DOT1L: variants seen among roughly 807,000 people sequenced by gnomAD.
The protein encoded by DOT1L is histone-lysine N-methyltransferase, H3 lysine-79 specific.
Under a neutral mutation model 153.3 loss-of-function variants are expected in DOT1L, and 33 were observed. The observed-to-expected ratio is 0.22, with a 90% confidence interval of 0.16 to 0.29. The LOEUF (loss-of-function observed/expected upper bound fraction) is 0.29. Ranked by LOEUF, DOT1L falls within the 10% of genes least tolerant of loss-of-function variation. The pLI, the probability that DOT1L is intolerant of heterozygous loss-of-function variation, is 1.00. For missense variants in DOT1L, 1,847 were observed against 2,119.9 expected, an observed-to-expected ratio of 0.87 and a Z score of 2.53; for synonymous variants, 1,135 against 965.1, an observed-to-expected ratio of 1.18 and a Z score of -3.26.
Position 2,222,026 on chromosome 19 carries a change from C to T in DOT1L, c.2857C>T (p.Pro953Ser). The change falls in exon 24 of 28, where the codon CCG (proline) becomes TCG (serine). Residue 953 changes from proline to serine, a missense_variant. By Grantham distance (74) the Pro-to-Ser change is moderately conservative. This residue lies in a region of DOT1L where 934 missense variants were observed against 825.3 expected (regional missense o/e 1.13). Coordinates refer to ENST00000398665, the MANE Select transcript of DOT1L (RefSeq NM_032482.3). The surrounding 1 kb of genome is among the most constrained non-coding windows in gnomAD (Gnocchi z 6.5). ...CATCAGCGGGGCCTTGGCGGGCAGC[C>T]CGGCCTCTCTCACACCTGGAGCCGA... Reference protein sequence around the residue: ...VAISGALAGSPASLTPGAEPA... With the variant: ...VAISGALAGSSASLTPGAEPA... 3 of 1,612,376 alleles carry T rather than the reference C, an allele frequency of 1.9e-6. No homozygotes were observed. Among genetic ancestry groups the T allele is most frequent in the Non-Finnish European group, 2.5e-6 (3 of 1,179,664 alleles).
Position 2,189,258 on chromosome 19 carries a change from T to C in DOT1L, c.201-474T>C, listed in dbSNP as rs180768247. ...TCCTTTCTGCAGTGCTCACTCCTCC[T>C]GCACCTGCCCGGGCAGAGGCCTGGT... On this transcript the variant is annotated intron_variant, in intron 3 of 27. Transcript: ENST00000398665. 4.7e-3 allele frequency among the ~76,000 whole-genome samples: 712 copies of C among 152,294 alleles called. 3 individuals carry two copies. The highest frequency in any genetic ancestry group is 7.9e-3 in the Non-Finnish European group (538 of 67,992).
At chr19:2,209,613 G>T (rs2023636093) in intron 12 of DOT1L, among the ~76,000 whole-genome samples, 1 of 152,252 alleles carries the variant, frequency 6.6e-6, no homozygotes, top group African/African-American at 2.4e-5. Flanking sequence ...GGAAAGCCTG[G>T]CTTGGGGAGC....
chr19:2,195,563 A>C (rs892831904), intron 7 of DOT1L, among the ~76,000 whole-genome samples: 1 of 152,040 alleles, frequency 6.6e-6, no homozygotes, highest in Admixed American at 6.6e-5. Context: ...GATGCTTCCT[A>C]TTCTAGACCT....
chr19:2,212,024 C>T (rs537382032), intron 16 of DOT1L, 182 bp downstream of exon 16: 22 of 584,058 alleles, frequency 3.8e-5, no homozygotes, highest in African/African-American at 3.2e-4. Context: ...CTGAGAGACC[C>T]GGAAAACAGC....
intron 25 of DOT1L, among the ~76,000 whole-genome samples, 170 bp downstream of exon 25, chr19:2,223,656 C>G (rs1181658621): frequency 2.0e-5 from 3 of 152,110 alleles, no homozygotes; most frequent in African/African-American, 7.2e-5. Context: ...AGGTCCTGGG[C>G]CCCGTTCCGG....
rs76876845 is a variant in DOT1L, at chr19:2,184,769, G to A, written c.126-1086G>A. On this transcript the variant is annotated intron_variant, in intron 2 of 27. Transcript: ENST00000398665. ...CCCACACGGGGCTGCTCAGATCTCCGTCCTTGTTCCTTCGGTGAATTGCAG... is the reference window on the plus strand; with the variant it reads ...CCCACACGGGGCTGCTCAGATCTCCATCCTTGTTCCTTCGGTGAATTGCAG... Among the ~76,000 whole-genome samples the A allele has an allele frequency of 3.5e-3, 538 of 152,318 alleles. 1 individual carries two copies. Among genetic ancestry groups the A allele is most frequent in the African/African-American group, 0.012 (518 of 41,562 alleles).
intron 27 of DOT1L, chr19:2,228,908 A>G: frequency 1.4e-5 from 14 of 985,376 alleles, no homozygotes; most frequent in Non-Finnish European, 1.7e-5. Context: ...ATGCCCTCAT[A>G]GGGAGCCAGT....
intron 1 of DOT1L, among the ~76,000 whole-genome samples, chr19:2,166,245 C>T (rs1326701150): frequency 6.9e-6 from 1 of 145,260 alleles, no homozygotes; most frequent in East Asian, 2.1e-4. Context: ...TACAGGCATG[C>T]GCCACCACAC....
At chr19:2,211,898 G>T in intron 16 of DOT1L, 56 bp downstream of exon 16, 1 of 1,488,710 alleles carries the variant, frequency 6.7e-7, no homozygotes, top group South Asian at 1.2e-5. Context: ...GTTCGTTCCT[G>T]TTCCTGGGCA....
intron 7 of DOT1L, among the ~76,000 whole-genome samples, chr19:2,196,547 G>A (rs1009323020): frequency 6.6e-6 from 1 of 152,120 alleles, no homozygotes; most frequent in African/African-American, 2.4e-5. Context: ...TGGTCAGGCG[G>A]GTCTCAAATT....
chr19:2,180,664 C>T (rs374870345), intron 1 of DOT1L, 49 bp from the exon 2 acceptor site: 16 of 1,609,634 alleles, frequency 9.9e-6, no homozygotes, highest in South Asian at 8.8e-5. Flanking sequence ...GCGATGGGCT[C>T]ACGGGGTGGA....
chr19:2,194,686 T>C, intron 7 of DOT1L, 109 bp downstream of exon 7: 1 of 1,195,146 alleles, frequency 8.4e-7, no homozygotes, highest in South Asian at 1.3e-5. Flanking sequence ...TGTTGGCACA[T>C]GGTGTGCCCC....
At position 2,191,292 on chromosome 19, in the gene DOT1L, CTG is replaced by C; in HGVS notation, c.493+55_493+56del. ...CCTGTGCACTTCCAGGCCACACGCTCTGTGCCTGCCCCATGCCTGCTTGGAGA... is the reference window on the plus strand; with the variant it reads ...CCTGTGCACTTCCAGGCCACACGCTCTGCCTGCCCCATGCCTGCTTGGAGA... On this transcript the variant is annotated intron_variant, in intron 5 of 27. Transcript: ENST00000398665. This position sits in a 1 kb window ranked among gnomAD's most constrained non-coding sequence, Gnocchi z 6.8. The C allele has an allele frequency of 6.4e-7, 1 of 1,552,632 alleles. No individual in the cohort carries two copies. Among genetic ancestry groups the C allele is most frequent in the Non-Finnish European group, 8.9e-7 (1 of 1,126,598 alleles).
intron 22 of DOT1L, among the ~76,000 whole-genome samples, chr19:2,219,265 C>T (rs867345640): frequency 1.3e-5 from 2 of 152,244 alleles, no homozygotes; most frequent in Non-Finnish European, 1.5e-5. Context: ...GCCTCGGCCT[C>T]CCACAGTGCT....
intron 5 of DOT1L, among the ~76,000 whole-genome samples, chr19:2,192,734 C>T (rs1355370002): frequency 6.6e-6 from 1 of 151,644 alleles, no homozygotes; most frequent in Non-Finnish European, 1.5e-5. Context: ...TGCCTGTAAT[C>T]CCAATGCTTT....
chr19:2,182,072 C>G (rs974486511), intron 2 of DOT1L, among the ~76,000 whole-genome samples: 9 of 152,014 alleles, frequency 5.9e-5, no homozygotes, highest in South Asian at 2.1e-4. Flanking sequence ...AAAAAAAACA[C>G]AAAAATTAGC....
Position 2,222,016 on chromosome 19 carries a change from G to A in DOT1L, c.2847G>A (p.Leu949=). The A allele has an allele frequency of 6.2e-7, 1 of 1,611,654 alleles. No homozygotes were observed. The highest frequency in any genetic ancestry group is 8.5e-7 in the Non-Finnish European group (1 of 1,179,372). ...GCTCGGTGGCCATCAGCGGGGCCTT[G>A]GCGGGCAGCCCGGCCTCTCTCACAC... is the stretch of plus-strand genomic sequence containing the variant. The part of the protein sequence containing the change: ...YAGSVAISGA[L]AGSPASLTPG... The change falls in exon 24 of 28, where the codon TTG becomes TTA. Residue 949 remains leucine, a synonymous_variant. Coordinates refer to ENST00000398665, the MANE Select transcript of DOT1L (RefSeq NM_032482.3). The surrounding 1 kb of genome is among the most constrained non-coding windows in gnomAD (Gnocchi z 6.5).
chr19:2,229,297 A>C (rs997869427), intron 27 of DOT1L: 24 of 985,224 alleles, frequency 2.4e-5, no homozygotes, highest in Admixed American at 6.1e-5. Context: ...GCGTAGTGCA[A>C]AGGTGCCCTC....
At chr19:2,214,755 C>A in intron 19 of DOT1L, 159 bp downstream of exon 19, 1 of 1,130,426 alleles carries the variant, frequency 8.8e-7, no homozygotes. Flanking sequence ...TGTCTTGGGC[C>A]GCAGGCTGCC....
Sources: allele counts gnomAD v4.1 joint callset (sites outside exome capture counted in the v4.1 genomes callset), GRCh38; gene constraint gnomAD v4.1.1; regional missense constraint gnomAD v4.1.1; non-coding constraint Gnocchi (gnomAD v3.1); transcripts MANE v1.5; gene names NCBI Gene and HGNC (gene_info 2026-07-23, HGNC 2026-07-21).